The following DNAH11 variants were observed in gnomAD, a reference collection of about 807,000 sequenced individuals.
The protein encoded by DNAH11 is axonemal beta dynein heavy chain 11.
DNAH11 carries 442 observed loss-of-function variants against 526.0 expected under a neutral mutation model. The observed-to-expected ratio is 0.84, with a 90% CI of 0.78 to 0.91. The LOEUF (loss-of-function observed/expected upper bound fraction) is 0.91, where lower values mean the gene tolerates loss of function less well. Ranked by LOEUF, DNAH11 falls within the 40% of genes least tolerant of loss-of-function variation. DNAH11 has a pLI of 0.00. For synonymous variants in DNAH11, 2,461 were observed against 1,935.9 expected, an observed-to-expected ratio of 1.27 and a Z score of -7.12; for missense variants, 6,989 against 5,448.7, an observed-to-expected ratio of 1.28 and a Z score of -8.90.
intron 2 of DNAH11, among the ~76,000 whole-genome samples, chr7:21,556,249 C>A (rs556707394): frequency 9.2e-5 from 14 of 152,276 alleles, no homozygotes; most frequent in African/African-American, 3.4e-4. Context: ...TTGTGACTTT[C>A]TAGGTGCATG....
intron 36 of DNAH11, among the ~76,000 whole-genome samples, chr7:21,700,074 T>C (rs1783995441): frequency 6.6e-6 from 1 of 152,204 alleles, no homozygotes; most frequent in Admixed American, 6.5e-5. Context: ...ACAAATTTGA[T>C]TTTATTAGCC....
intron 68 of DNAH11, among the ~76,000 whole-genome samples, chr7:21,861,422 T>C (rs549989662): frequency 6.6e-6 from 1 of 152,350 alleles, no homozygotes; most frequent in East Asian, 1.9e-4. Flanking sequence ...AACGGTATAA[T>C]TTATGTTCAT....
rs918116615 is a variant in DNAH11 at position 21,543,381 on chromosome 7, G to C, written c.136G>C (p.Ala46Pro). The C allele has an allele frequency of 6.4e-7, 1 of 1,551,964 alleles. No homozygotes were observed. Among genetic ancestry groups the C allele is most frequent in the Non-Finnish European group, 8.7e-7 (1 of 1,147,052 alleles). ...EEEEENEEEA[A>P]ARRARSFAQD... The stretch of plus-strand genomic sequence containing the variant: ...GGAGGAGGAGAACGAGGAGGAGGCG[G>C]CGGCCAGGAGAGCGCGGAGTTTCGC... Residue 46 changes from alanine to proline, a missense_variant, in exon 1 of 82, where the codon GCG (alanine) becomes CCG (proline). Ala to Pro is a conservative substitution (Grantham distance 27, BLOSUM62 -1). Coordinates refer to ENST00000409508, the MANE Select transcript of DNAH11 (RefSeq NM_001277115.2).
intron 8 of DNAH11, among the ~76,000 whole-genome samples, chr7:21,573,803 G>C (rs1160967758): frequency 6.6e-6 from 1 of 152,062 alleles, no homozygotes; most frequent in Non-Finnish European, 1.5e-5. Flanking sequence ...CTACAAACTA[G>C]TGCTTATATA....
chr7:21,739,520 CT>C (rs1785777465), intron 47 of DNAH11, 50 bp from the exon 48 acceptor site: 3 of 1,483,488 alleles, frequency 2.0e-6, no homozygotes, highest in Non-Finnish European at 2.8e-6. Context: ...AGATTTTGCT[CT>C]TTTGTCATCT....
intron 18 of DNAH11, among the ~76,000 whole-genome samples, chr7:21,602,863 T>A (rs762076332): frequency 9.2e-5 from 14 of 152,166 alleles, no homozygotes; most frequent in South Asian, 6.2e-4. Context: ...CAATTTCTGT[T>A]TTTTTCTTTT....
At chr7:21,725,271 G>A (rs1187666243) in intron 44 of DNAH11, among the ~76,000 whole-genome samples, 1 of 152,184 alleles carries the variant, frequency 6.6e-6, no homozygotes, top group Non-Finnish European at 1.5e-5. Context: ...GGGATTCCCA[G>A]ATTTAGAATT....
In DNAH11 at chr7:21,593,076, G is replaced by C. The variant is rs572785042; in HGVS notation, c.2667+1499G>C. Among the ~76,000 whole-genome samples, 17 of 152,286 alleles carry C rather than the reference G, an allele frequency of 1.1e-4. No homozygotes were observed. In the East Asian group the frequency reaches 3.3e-3, roughly 29 times the overall value. On this transcript the variant is annotated intron_variant, in intron 14 of 81. Transcript: ENST00000409508. ...ATTAGATTAAGAACATGTGGGAATT[G>C]TAGATAGAAAAGAGGCCCAAAAACT...
At chr7:21,608,414 A>G (rs567981486) in intron 20 of DNAH11, among the ~76,000 whole-genome samples, 146 of 152,358 alleles carry the variant, frequency 9.6e-4, no homozygotes, top group African/African-American at 3.5e-3. Context: ...TTGCTCATCT[A>G]GCCTGTCACC....
intron 70 of DNAH11, among the ~76,000 whole-genome samples, chr7:21,866,030 C>A (rs1783260694): frequency 6.6e-6 from 1 of 152,160 alleles, no homozygotes; most frequent in Non-Finnish European, 1.5e-5. Context: ...TTACTGCAAG[C>A]TGTTTTATCT....
At chr7:21,588,322 T>G (rs575271931) in intron 10 of DNAH11, 121 bp downstream of exon 10, 1 of 1,373,600 alleles carries the variant, frequency 7.3e-7, no homozygotes, top group Non-Finnish European at 9.8e-7. Flanking sequence ...TTTGTGCTTT[T>G]ATTTAACTGG....
At chr7:21,876,673 C>T (rs1783724400) in intron 74 of DNAH11, among the ~76,000 whole-genome samples, 1 of 152,226 alleles carries the variant, frequency 6.6e-6, no homozygotes, top group South Asian at 2.1e-4. Context: ...CTAGAATGGG[C>T]TTTTCACGGT....
chr7:21,590,874 C>A, intron 12 of DNAH11, 44 bp from the exon 13 acceptor site: 1 of 1,128,566 alleles, frequency 8.9e-7, no homozygotes, highest in South Asian at 2.3e-5. Flanking sequence ...AATAGAATGA[C>A]ATTATGAAAA....
At chr7:21,897,909 G>A (rs1173986830) in intron 79 of DNAH11, among the ~76,000 whole-genome samples, 5 of 152,148 alleles carry the variant, frequency 3.3e-5, no homozygotes, top group Non-Finnish European at 5.9e-5. Flanking sequence ...GAGCCACCAC[G>A]TCTGGCCTCA....
intron 61 of DNAH11, among the ~76,000 whole-genome samples, chr7:21,789,807 T>TC (rs1270262024): frequency 3.5e-4 from 24 of 68,196 alleles, no homozygotes; most frequent in East Asian, 1.3e-3. Context: ...CTTTCTTTCT[T>TC]TTTTCTTTCT....
At chr7:21,790,002 C>T (rs1450850463) in intron 61 of DNAH11, among the ~76,000 whole-genome samples, 3 of 146,190 alleles carry the variant, frequency 2.1e-5, no homozygotes, top group African/African-American at 7.6e-5. Context: ...GTTTGCTGCT[C>T]CTATCAACCA....
At chr7:21,643,655 C>T (rs1000972554) in intron 28 of DNAH11, among the ~76,000 whole-genome samples, 2 of 152,088 alleles carry the variant, frequency 1.3e-5, no homozygotes, top group African/African-American at 2.4e-5. Context: ...GAAAACATTG[C>T]GTGTTTGAAA....
In DNAH11 at chr7:21,861,894, C is replaced by A; in HGVS notation, c.11244C>A (p.Asp3748Glu). Residue 3748 changes from aspartate (D) to glutamate (E), a missense_variant, in exon 69 of 82, where the codon GAC (aspartate) becomes GAA (glutamate). Coordinates refer to ENST00000409508, the MANE Select transcript of DNAH11 (RefSeq NM_001277115.2). ...TCCACAGAGCGATCGAGCAGGCTGA[C>A]AAGGTGGAAGACATGCAGGGACGCA... Reference protein sequence around the residue: ...VLFHRAIEQADKVEDMQGRIS... With the variant: ...VLFHRAIEQAEKVEDMQGRIS... 1 of 1,613,554 alleles carries A rather than the reference C, an allele frequency of 6.2e-7. No homozygotes were observed.
intron 18 of DNAH11, among the ~76,000 whole-genome samples, chr7:21,602,424 T>C (rs1010173946): frequency 1.3e-5 from 2 of 152,178 alleles, no homozygotes; most frequent in African/African-American, 4.8e-5. Flanking sequence ...TTCTATGCCA[T>C]CCACCTGTTT....
Sources: allele counts gnomAD v4.1 joint callset (sites outside exome capture counted in the v4.1 genomes callset), GRCh38; gene constraint gnomAD v4.1.1; transcripts MANE v1.5; gene names NCBI Gene and HGNC (gene_info 2026-07-23, HGNC 2026-07-21).